CIZ1: variants seen among roughly 807,000 people sequenced by gnomAD.
CIZ1 encodes the protein cip1-interacting zinc finger protein.
In CIZ1, 58 loss-of-function variants were observed where a neutral mutation model predicts 118.6. The observed-to-expected ratio is 0.49, with a 90% CI of 0.40 to 0.61. CIZ1 has a LOEUF of 0.61. CIZ1 is among the 20% of genes least tolerant of loss of function. CIZ1 has a pLI of 0.00. For missense variants in CIZ1, 921 were observed against 1,115.9 expected, an observed-to-expected ratio of 0.83 and a Z score of 2.49; for synonymous variants, 448 against 443.4, an observed-to-expected ratio of 1.01 and a Z score of -0.13.
At chr9:128,195,411 G>A (rs981081132), upstream of CIZ1, among the ~76,000 whole-genome samples, 1 of 152,074 alleles carries the variant, frequency 6.6e-6, no homozygotes. Flanking sequence ...TCTGCCTCCT[G>A]GATTTAAGTG....
At chr9:128,201,749 T>C (rs1833528053) in intron 1 of CIZ1, among the ~76,000 whole-genome samples, 1 of 152,224 alleles carries the variant, frequency 6.6e-6, no homozygotes, top group Admixed American at 6.5e-5. Flanking sequence ...TACACAGGCA[T>C]TTGATCTATT....
At chr9:128,174,651 G>A (rs547849709) in intron 11 of CIZ1, among the ~76,000 whole-genome samples, 2 of 151,986 alleles carry the variant, frequency 1.3e-5, no homozygotes, top group East Asian at 3.9e-4. Flanking sequence ...GGGACTGGAG[G>A]GACTTTTTAA....
intron 5 of CIZ1, among the ~76,000 whole-genome samples, chr9:128,181,968 A>C (rs959453223): frequency 6.6e-6 from 1 of 152,140 alleles, no homozygotes; most frequent in East Asian, 1.9e-4. Context: ...TGCCTTCCAG[A>C]TAGTAGTAGT....
chr9:128,173,221 T>G (rs1189920702), intron 11 of CIZ1, among the ~76,000 whole-genome samples: 1 of 146,740 alleles, frequency 6.8e-6, no homozygotes, highest in Non-Finnish European at 1.5e-5. Context: ...CTTGGCTTAC[T>G]GCAAGCTCCG....
At chr9:128,173,603 G>C (rs1412912090) in intron 11 of CIZ1, among the ~76,000 whole-genome samples, 2 of 151,914 alleles carry the variant, frequency 1.3e-5, no homozygotes, top group African/African-American at 4.8e-5. Context: ...TGTGCATTTT[G>C]ATCTCTGTGA....
At chr9:128,171,476 C>T (rs1330215390) in intron 11 of CIZ1, among the ~76,000 whole-genome samples, 2 of 151,614 alleles carry the variant, frequency 1.3e-5, no homozygotes, top group Admixed American at 6.6e-5. Context: ...GCCTGTAATC[C>T]CAGCACTTTG....
At position 128,170,040 on chromosome 9, in the gene CIZ1, G is replaced by A. The variant is rs774276753; in HGVS notation, c.2011C>T (p.Arg671Cys). 7.4e-6 allele frequency: 12 copies of A among 1,613,738 alleles called. No individual in the cohort carries two copies. The highest frequency in any genetic ancestry group is 1.3e-5 in the African/African-American group (1 of 74,920). ...LYYMGDLIQH[R>C]RTQDHKIAKQ... ...CCTACCTTGTGGTCCTGTGTCCTGCGGTGTTGGATCAGGTCCCCCATGTAG... is the reference window on the plus strand; with the variant it reads ...CCTACCTTGTGGTCCTGTGTCCTGCAGTGTTGGATCAGGTCCCCCATGTAG... The change falls in exon 12 of 17, where the codon CGC becomes TGC. Residue 671 changes from arginine to cysteine, a missense_variant. By Grantham distance (180) the Arg-to-Cys change is radical. Coordinates refer to ENST00000372938, the MANE Select transcript of CIZ1 (RefSeq NM_001131016.2).
At chr9:128,174,628 G>A (rs533974624) in intron 11 of CIZ1, among the ~76,000 whole-genome samples, 1 of 152,182 alleles carries the variant, frequency 6.6e-6, no homozygotes, top group South Asian at 2.1e-4. Flanking sequence ...CCAAGGTGAG[G>A]GGGTCGTAGG....
chr9:128,178,250 T>A, intron 9 of CIZ1, 119 bp downstream of exon 9: 1 of 1,248,098 alleles, frequency 8.0e-7, no homozygotes, highest in Non-Finnish European at 1.1e-6. Flanking sequence ...AGGGCTGTCA[T>A]CCCATTTCAC....
intron 11 of CIZ1, among the ~76,000 whole-genome samples, chr9:128,173,792 G>A (rs1219699128): frequency 6.6e-6 from 1 of 151,922 alleles, no homozygotes; most frequent in Non-Finnish European, 1.5e-5. Context: ...AGATCACAAG[G>A]TCAGGAGATC....
intron 11 of CIZ1, among the ~76,000 whole-genome samples, chr9:128,173,635 G>A (rs954708816): frequency 2.1e-4 from 32 of 152,140 alleles, no homozygotes; most frequent in African/African-American, 7.7e-4. Context: ...AACAAATGAA[G>A]AAAGGGGGTG....
intron 11 of CIZ1, among the ~76,000 whole-genome samples, chr9:128,173,943 T>G (rs1291872368): frequency 1.3e-5 from 2 of 151,790 alleles, no homozygotes; most frequent in African/African-American, 4.8e-5. Flanking sequence ...GAGGCGGAGC[T>G]TGCAGTGAGC....
Position 128,166,666 on chromosome 9 carries a change from G to T in CIZ1, c.2487+93C>A. 3 of 1,509,922 alleles carry T rather than the reference G, an allele frequency of 2.0e-6. No individual in the cohort carries two copies. The highest frequency in any genetic ancestry group is 1.8e-6 in the Non-Finnish European group (2 of 1,091,374). 93.5% of individuals were successfully genotyped at this position (1,509,922 alleles called of 1,614,324 possible). A position where few individuals can be genotyped will look rare whatever the true frequency, so the allele number is the denominator to read the frequency against. On this transcript the variant is annotated intron_variant, in intron 16 of 16. Transcript: ENST00000372938. This position sits in a 1 kb window ranked among gnomAD's most constrained non-coding sequence, Gnocchi z 4.4. ...GGTGGTGCCTGGGGATTGAGGCCCT[G>T]CACAAGAGGGAGTGGCCACTAGCCA...
rs778369623 is a variant in CIZ1 at position 128,190,434 on chromosome 9, G to A, written c.181C>T (p.Pro61Ser). Residue 61 changes from proline to serine, a missense_variant, in exon 3 of 17, where the codon CCG becomes TCG. Coordinates refer to ENST00000372938, the MANE Select transcript of CIZ1 (RefSeq NM_001131016.2). ...LPMAVSRGLP[P>S]QQPQQPLLNL... Reference sequence around the variant, plus strand: ...AGAAGCGGCTGCTGTGGCTGCTGCGGGGGGAGCCCCCTGTGTGTTGGGAGG... The same window carrying A: ...AGAAGCGGCTGCTGTGGCTGCTGCGAGGGGAGCCCCCTGTGTGTTGGGAGG... The A allele has an allele frequency of 6.2e-7, 1 of 1,612,698 alleles. No homozygotes were observed. Among genetic ancestry groups the A allele is most frequent in the Non-Finnish European group, 8.5e-7 (1 of 1,179,278 alleles).
rs1022815988 is a variant in CIZ1 at position 128,179,265 on chromosome 9, C to T, written c.942G>A (p.Arg314=). The change falls in exon 8 of 17, where the codon CGG becomes CGA. Residue 314 remains arginine, a synonymous_variant. Coordinates refer to ENST00000372938, the MANE Select transcript of CIZ1 (RefSeq NM_001131016.2). ...GCACCTGGGCCTGGACCTGCAGGAC[C>T]CGTGGCTGGAATCGTGGCAGCACTT... ...EAQVLPRFQP[R]VLQVQAQVQS... 1.2e-6 allele frequency: 2 copies of T among 1,614,068 alleles called. No homozygotes were observed. Among genetic ancestry groups the T allele is most frequent in the Non-Finnish European group, 1.7e-6 (2 of 1,180,058 alleles).
chr9:128,192,982 A>C (rs1833263024), upstream of CIZ1, among the ~76,000 whole-genome samples: 1 of 152,208 alleles, frequency 6.6e-6, no homozygotes, highest in Non-Finnish European at 1.5e-5. Context: ...AGACCCGGGC[A>C]GGCGGAGCGC....
rs1395573651 is a variant in CIZ1, at chr9:128,203,878, G to C, written c.-6+308C>G. Among the ~76,000 whole-genome samples, 1 of 150,662 alleles carries C rather than the reference G, an allele frequency of 6.6e-6. No homozygotes were observed. Among genetic ancestry groups the C allele is most frequent in the Admixed American group, 6.6e-5 (1 of 15,060 alleles). On this transcript the variant is annotated intron_variant, in intron 1 of 17. Transcript: ENST00000372948. This position sits in a 1 kb window ranked among gnomAD's most constrained non-coding sequence, Gnocchi z 5.3. ...GCTACCGAATCACGCCCCCTCCTCC[G>C]TCCCATCCTTTAGGGCAGACAACGC... is the stretch of plus-strand genomic sequence containing the variant.
intron 1 of CIZ1, chr9:128,196,796 G>A (rs961814234): frequency 1.3e-5 from 2 of 152,070 alleles, no homozygotes; most frequent in African/African-American, 4.8e-5. Flanking sequence ...TAGAGACAAG[G>A]TTTCACCATG....
chr9:128,171,039 T>C lies in CIZ1; in HGVS notation c.1944-932A>G, dbSNP rs548541425. Reference sequence around the variant, plus strand: ...CTGCTCAGAAGCTGAGGTGGGAGGATTGCTTGAGCCCAGGAGGTCGAGGCT... The same window carrying C: ...CTGCTCAGAAGCTGAGGTGGGAGGACTGCTTGAGCCCAGGAGGTCGAGGCT... On this transcript the variant is annotated intron_variant, in intron 11 of 16. Coordinates refer to ENST00000372938, the MANE Select transcript of CIZ1 (RefSeq NM_001131016.2). 2.6e-5 allele frequency among the ~76,000 whole-genome samples: 4 copies of C among 151,918 alleles called. No homozygotes were observed. The South Asian group carries it at 8.3e-4, about 32-fold the overall frequency.
Sources: allele counts gnomAD v4.1 joint callset (sites outside exome capture counted in the v4.1 genomes callset), GRCh38; gene constraint gnomAD v4.1.1; non-coding constraint Gnocchi (gnomAD v3.1); transcripts MANE v1.5; gene names NCBI Gene and HGNC (gene_info 2026-07-23, HGNC 2026-07-21).